Variants in PLA1A observed in about 807,000 individuals in gnomAD.
PLA1A encodes the protein phosphatidylserine-specific phospholipase A1alpha.
Under a neutral mutation model 49.4 loss-of-function variants are expected in PLA1A, and 47 were observed. The observed-to-expected ratio is 0.95, with a 90% CI of 0.75 to 1.21. The LOEUF is 1.21. PLA1A is among the 50% of genes most tolerant of loss of function. The probability of loss-of-function intolerance (pLI) is 0.00; values close to 1 mark genes in which losing one functional copy is unlikely to be tolerated. For synonymous variants in PLA1A, 224 were observed against 207.9 expected, an observed-to-expected ratio of 1.08 and a Z score of -0.67; for missense variants, 561 against 563.9, an observed-to-expected ratio of 0.99 and a Z score of 0.05.
chr3:119,615,825 AAAAAAAAAAGAAAAAG>A (rs1241200241), intron 5 of PLA1A, among the ~76,000 whole-genome samples, 171 bp from the exon 6 acceptor site: 1 of 144,620 alleles, frequency 6.9e-6, no homozygotes, highest in African/African-American at 2.8e-5. Flanking sequence ...AAAGCCTCAG[AAAAAAAAAAGAAAAAG>A]AAAAGAAAAG....
At chr3:119,598,053 A>G (rs2082565465) in intron 1 of PLA1A, 67 bp downstream of exon 1, 1 of 992,874 alleles carries the variant, frequency 1.0e-6, no homozygotes. Context: ...CCAACTACTT[A>G]TGCAGTACTA....
intron 8 of PLA1A, among the ~76,000 whole-genome samples, chr3:119,624,650 A>G (rs1162237250): frequency 1.4e-5 from 2 of 147,436 alleles, no homozygotes; most frequent in Non-Finnish European, 3.0e-5. Flanking sequence ...TTTTTTTTTT[A>G]GACGGAGTCT....
chr3:119,613,743 A>G (rs980749105), intron 5 of PLA1A, among the ~76,000 whole-genome samples: 8 of 152,136 alleles, frequency 5.3e-5, no homozygotes, highest in African/African-American at 1.9e-4. Flanking sequence ...AATACAAAAA[A>G]TTAGCCGGGC....
intron 10 of PLA1A, 134 bp downstream of exon 10, chr3:119,628,999 C>G (rs1445962071): frequency 1.3e-6 from 1 of 770,204 alleles, no homozygotes; most frequent in Admixed American, 2.4e-5. Flanking sequence ...TGACAGACAC[C>G]CGGTGTTTTC....
intron 5 of PLA1A, among the ~76,000 whole-genome samples, chr3:119,615,331 C>A (rs974401788): frequency 1.3e-5 from 2 of 152,062 alleles, no homozygotes; most frequent in Non-Finnish European, 2.9e-5. Flanking sequence ...CAGGAGAGCA[C>A]AAAAGATATG....
At chr3:119,607,920 C>T (rs2082710700) in intron 2 of PLA1A, among the ~76,000 whole-genome samples, 1 of 152,176 alleles carries the variant, frequency 6.6e-6, no homozygotes, top group Non-Finnish European at 1.5e-5. Flanking sequence ...CTCTTTGCTT[C>T]TATACTGGGA....
chr3:119,618,002 GT>G lies in PLA1A; in HGVS notation c.755-11del. On this transcript the variant is annotated splice_polypyrimidine_tract_variant and intron_variant, in intron 6 of 10. Coordinates refer to ENST00000273371, the MANE Select transcript of PLA1A (RefSeq NM_015900.4). ...TTGTCTTGACTGAAACCTTGGTTGT[GT>G]TTTTTCTCTGTTCAGGTTATAGTTA... 6.3e-7 allele frequency: 1 copy of G among 1,582,954 alleles called. No homozygotes were observed. The highest frequency in any genetic ancestry group is 8.6e-7 in the Non-Finnish European group (1 of 1,163,582).
intron 1 of PLA1A, among the ~76,000 whole-genome samples, chr3:119,600,963 C>T (rs143759594): frequency 1.1e-4 from 16 of 152,338 alleles, no homozygotes; most frequent in African/African-American, 3.8e-4. Flanking sequence ...GAGCCACCCT[C>T]AAGTCAGCTA....
At chr3:119,602,277 A>T (rs1481466036) in intron 1 of PLA1A, among the ~76,000 whole-genome samples, 1 of 152,060 alleles carries the variant, frequency 6.6e-6, no homozygotes, top group African/African-American at 2.4e-5. Context: ...GGCCTCTTAG[A>T]CTTTTCTGAG....
At chr3:119,616,981 A>G (rs775585923) in intron 6 of PLA1A, among the ~76,000 whole-genome samples, 3 of 152,194 alleles carry the variant, frequency 2.0e-5, no homozygotes, top group Non-Finnish European at 4.4e-5. Context: ...GAGTGTCCCA[A>G]CCACAGGGGA....
chr3:119,610,945 G>A (rs1392619799), intron 4 of PLA1A, among the ~76,000 whole-genome samples: 2 of 152,160 alleles, frequency 1.3e-5, no homozygotes, highest in Non-Finnish European at 2.9e-5. Context: ...ACAGTTCGAG[G>A]TCTTACATTT....
intron 2 of PLA1A, 40 bp from the exon 3 acceptor site, chr3:119,608,730 G>A: frequency 1.4e-6 from 2 of 1,471,576 alleles, no homozygotes; most frequent in Non-Finnish European, 1.9e-6. Flanking sequence ...ATATCCACTT[G>A]GCAGGTAATT....
chr3:119,628,350 A>G (rs113949062), intron 9 of PLA1A, among the ~76,000 whole-genome samples: 5 of 152,364 alleles, frequency 3.3e-5, no homozygotes, highest in African/African-American at 1.2e-4. Context: ...ATGTCCTAAA[A>G]GAGGGTTTCT....
At chr3:119,607,031 A>G (rs2082698849) in intron 2 of PLA1A, 56 bp downstream of exon 2, 2 of 1,395,710 alleles carry the variant, frequency 1.4e-6, no homozygotes, top group Admixed American at 1.7e-5. Context: ...AGTAACCATA[A>G]TACCATAAGA....
At chr3:119,622,399 A>G in intron 8 of PLA1A, among the ~76,000 whole-genome samples, 1 of 152,066 alleles carries the variant, frequency 6.6e-6, no homozygotes, top group Non-Finnish European at 1.5e-5. Context: ...ATAACAATTG[A>G]TATCCCATAG....
At chr3:119,610,005 C>G (rs1175365532) in intron 4 of PLA1A, among the ~76,000 whole-genome samples, 1 of 152,122 alleles carries the variant, frequency 6.6e-6, no homozygotes, top group Admixed American at 6.5e-5. Context: ...TCCCCAGTGT[C>G]AATTGTTCCC....
chr3:119,622,717 C>T (rs1467322868), intron 8 of PLA1A, among the ~76,000 whole-genome samples: 1 of 152,038 alleles, frequency 6.6e-6, no homozygotes, highest in African/African-American at 2.4e-5. Flanking sequence ...CCAAAGGAGC[C>T]TGGGAAAATT....
At chr3:119,613,852 T>G (rs1289474229) in intron 5 of PLA1A, among the ~76,000 whole-genome samples, 3 of 150,430 alleles carry the variant, frequency 2.0e-5, no homozygotes, top group Non-Finnish European at 4.4e-5. Context: ...GACATCGCGC[T>G]ACTGCACGCC....
At chr3:119,623,857 TGGG>T (rs922080037) in intron 8 of PLA1A, among the ~76,000 whole-genome samples, 1 of 151,736 alleles carries the variant, frequency 6.6e-6, no homozygotes, top group Non-Finnish European at 1.5e-5. Context: ...CCTTAGTAGC[TGGG>T]GTTACAGGTG....
Sources: allele counts gnomAD v4.1 joint callset (sites outside exome capture counted in the v4.1 genomes callset), GRCh38; gene constraint gnomAD v4.1.1; transcripts MANE v1.5; gene names NCBI Gene and HGNC (gene_info 2026-07-23, HGNC 2026-07-21).